The following TMX1 variants were observed in gnomAD, a reference collection of about 807,000 sequenced individuals.
TMX1 encodes thioredoxin related transmembrane protein 1.
Under a neutral mutation model 36.6 loss-of-function variants are expected in TMX1, and 25 were observed. The observed-to-expected ratio is 0.68, with a 90% CI of 0.50 to 0.95. TMX1 has a LOEUF of 0.95. Ranked by LOEUF, TMX1 falls within the 40% of genes least tolerant of loss-of-function variation. The pLI is 0.00. For synonymous variants in TMX1, 133 were observed against 118.0 expected, an observed-to-expected ratio of 1.13 and a Z score of -0.82; for missense variants, 347 against 339.6, an observed-to-expected ratio of 1.02 and a Z score of -0.17.
intron 1 of TMX1, among the ~76,000 whole-genome samples, chr14:51,241,415 T>A (rs2065760742): frequency 6.6e-6 from 1 of 152,194 alleles, no homozygotes; most frequent in South Asian, 2.1e-4. Context: ...CATATTTAAT[T>A]CCCTACAAAT....
intron 2 of TMX1, among the ~76,000 whole-genome samples, chr14:51,244,983 A>G (rs1298700456): frequency 6.6e-6 from 1 of 152,104 alleles, no homozygotes; most frequent in Non-Finnish European, 1.5e-5. Context: ...CTAAGACCCT[A>G]TTACCTTGTG....
At chr14:51,246,397 C>T (rs2065785932) in intron 3 of TMX1, among the ~76,000 whole-genome samples, 1 of 152,284 alleles carries the variant, frequency 6.6e-6, no homozygotes, top group East Asian at 1.9e-4. Context: ...GGGGGGCTTC[C>T]TCGTGGTTTT....
intron 1 of TMX1, among the ~76,000 whole-genome samples, chr14:51,241,898 G>A (rs2065763427): frequency 6.6e-6 from 1 of 152,230 alleles, no homozygotes; most frequent in Non-Finnish European, 1.5e-5. Context: ...GGGAGGCCGA[G>A]GCCGGTGGAT....
chr14:51,248,436 A>C (rs753901416), intron 4 of TMX1, among the ~76,000 whole-genome samples: 4 of 152,194 alleles, frequency 2.6e-5, no homozygotes, highest in Non-Finnish European at 5.9e-5. Flanking sequence ...ACCATGCCCA[A>C]CTCAATTTTG....
At chr14:51,248,260 A>G (rs2065795682) in intron 4 of TMX1, among the ~76,000 whole-genome samples, 1 of 152,210 alleles carries the variant, frequency 6.6e-6, no homozygotes. Flanking sequence ...AGTTTTGCTG[A>G]GGTCACCATG....
In TMX1 at chr14:51,240,379, C is replaced by G. The variant is rs1228827239; in HGVS notation, c.87C>G (p.Ser29Arg). ...WGAPWTHGRR[S>R]NVRVITDENW... ...CTCCCTGGACGCACGGGCGGCGGAGCAACGTTCGCGTCATCACGGACGAGA... is the reference window on the plus strand; with the variant it reads ...CTCCCTGGACGCACGGGCGGCGGAGGAACGTTCGCGTCATCACGGACGAGA... Residue 29 changes from serine to arginine, a missense_variant, in exon 1 of 8, where the codon AGC (serine) becomes AGG (arginine). Ser to Arg is a moderately radical substitution (Grantham distance 110, BLOSUM62 -1). Coordinates refer to ENST00000457354, the MANE Select transcript of TMX1 (RefSeq NM_030755.5). The G allele has an allele frequency of 1.1e-5, 17 of 1,613,928 alleles. No individual in the cohort carries two copies. The highest frequency in any genetic ancestry group is 1.3e-5 in the African/African-American group (1 of 74,950).
chr14:51,252,251 T>C (rs1328917748), intron 7 of TMX1, among the ~76,000 whole-genome samples: 1 of 103,418 alleles, frequency 9.7e-6, no homozygotes, highest in Admixed American at 9.2e-5. Context: ...TCTATTATGA[T>C]CCACAGTAAA....
chr14:51,249,271 T>C (rs2065800104), intron 4 of TMX1, 55 bp from the exon 5 acceptor site: 4 of 1,425,604 alleles, frequency 2.8e-6, no homozygotes, highest in Non-Finnish European at 1.9e-6. Context: ...AAATAGTATG[T>C]ATAGACAAAT....
intron 7 of TMX1, among the ~76,000 whole-genome samples, chr14:51,253,669 G>C (rs1029335603): frequency 6.6e-6 from 1 of 151,968 alleles, no homozygotes; most frequent in Admixed American, 6.6e-5. Context: ...ACATCGAAAG[G>C]GTGTGTATTT....
rs781034242 is a variant in TMX1, at chr14:51,243,965, C to G, written c.262C>G (p.Gln88Glu). The G allele has an allele frequency of 6.2e-7, 1 of 1,601,662 alleles. No individual in the cohort carries two copies. Among genetic ancestry groups the G allele is most frequent in the African/African-American group, 1.3e-5 (1 of 74,560 alleles). ...VNIAKVDVTE[Q>E]PGLSGRFIIT... ...TATTGCGAAAGTAGATGTCACAGAG[C>G]AGCCAGGTACTGTAAGTCTTTGGTT... Residue 88 changes from glutamine (Q) to glutamate (E), a missense_variant, in exon 2 of 8, where the codon CAG becomes GAG. Coordinates refer to ENST00000457354, the MANE Select transcript of TMX1 (RefSeq NM_030755.5).
At chr14:51,244,523 GT>G (rs937373016) in intron 2 of TMX1, among the ~76,000 whole-genome samples, 1 of 152,120 alleles carries the variant, frequency 6.6e-6, no homozygotes, top group Non-Finnish European at 1.5e-5. Context: ...AGCCCTCGTG[GT>G]TGTGAGGTCA....
chr14:51,251,469 T>C (rs2065813099), intron 7 of TMX1, among the ~76,000 whole-genome samples: 1 of 152,232 alleles, frequency 6.6e-6, no homozygotes, highest in African/African-American at 2.4e-5. Context: ...TTTTATATTC[T>C]GTCTTCACCC....
At chr14:51,253,241 A>G (rs943639485) in intron 7 of TMX1, among the ~76,000 whole-genome samples, 35 of 152,212 alleles carry the variant, frequency 2.3e-4, no homozygotes, top group African/African-American at 8.2e-4. Context: ...CTACTTGCCA[A>G]TAGCACTGCC....
At chr14:51,247,282 T>A in intron 4 of TMX1, 62 bp downstream of exon 4, 4 of 1,481,802 alleles carry the variant, frequency 2.7e-6, no homozygotes, top group Admixed American at 4.1e-5. Flanking sequence ...TAATTATATT[T>A]TATGTAAAGC....
Position 51,257,283 on chromosome 14 carries a change from A to G in TMX1, c.*2764A>G, listed in dbSNP as rs899904884. 3 of 152,208 alleles carry G rather than the reference A, an allele frequency of 2.0e-5. No homozygotes were observed. Among genetic ancestry groups the G allele is most frequent in the Non-Finnish European group, 4.4e-5 (3 of 68,042 alleles). The allele number at this position is 152,208 out of a possible 1,614,324, so 9.4% of individuals were successfully genotyped here. A position where few individuals can be genotyped will look rare whatever the true frequency, so the allele number is the denominator to read the frequency against. ...CTTTAGAAAGCAATTTTCTCTCATCAGTTTCGTCCTTATTCAGCCTTACAC... is the reference window on the plus strand; with the variant it reads ...CTTTAGAAAGCAATTTTCTCTCATCGGTTTCGTCCTTATTCAGCCTTACAC... On this transcript the variant is annotated 3_prime_UTR_variant, in exon 8 of 8. Transcript: ENST00000457354.
chr14:51,245,493 G>A (rs761477182), intron 3 of TMX1, 135 bp downstream of exon 3: 2 of 1,536,670 alleles, frequency 1.3e-6, no homozygotes, highest in South Asian at 1.2e-5. Flanking sequence ...TAGAGGGCTT[G>A]TTTTGCTTAG....
chr14:51,240,825 T>C (rs1211901373), intron 1 of TMX1, among the ~76,000 whole-genome samples: 2 of 152,190 alleles, frequency 1.3e-5, no homozygotes, highest in African/African-American at 2.4e-5. Flanking sequence ...TCTACACTTA[T>C]TTTCACCACA....
In TMX1 at chr14:51,255,430, C is replaced by G. The variant is rs1472434539; in HGVS notation, c.*911C>G. 6.7e-6 allele frequency: 1 copy of G among 148,502 alleles called. No individual in the cohort carries two copies. Among genetic ancestry groups the G allele is most frequent in the East Asian group, 2.0e-4 (1 of 5,086 alleles). The allele number at this position is 148,502 out of a possible 1,614,324, so 9.2% of individuals were successfully genotyped here. On this transcript the variant is annotated 3_prime_UTR_variant, in exon 8 of 8. Transcript: ENST00000457354. Reference sequence around the variant, plus strand: ...TTTTCTTTTTGGATGTGAAGGTGAACATTCCTGATTTTTGTCTGATGTGAA... The same window carrying G: ...TTTTCTTTTTGGATGTGAAGGTGAAGATTCCTGATTTTTGTCTGATGTGAA...
At chr14:51,245,848 A>C (rs1357766023) in intron 3 of TMX1, 1 of 265,248 alleles carries the variant, frequency 3.8e-6, no homozygotes, top group African/African-American at 2.2e-5. Context: ...GTGCTGTTGT[A>C]CAGCCTTGGG....
Sources: allele counts gnomAD v4.1 joint callset (sites outside exome capture counted in the v4.1 genomes callset), GRCh38; gene constraint gnomAD v4.1.1; transcripts MANE v1.5; gene names NCBI Gene and HGNC (gene_info 2026-07-23, HGNC 2026-07-21).